The following EFCAB11 variants were observed in gnomAD, a reference collection of about 807,000 sequenced individuals.
EFCAB11 encodes EF-hand calcium-binding domain-containing protein 11.
In EFCAB11, 14 loss-of-function variants were observed where a neutral mutation model predicts 23.0. The ratio of observed to expected loss-of-function variants is 0.61; its 90% CI spans 0.40 to 0.95. The LOEUF is 0.95. Ranked by LOEUF, EFCAB11 falls within the 40% of genes least tolerant of loss-of-function variation. EFCAB11 has a pLI of 0.00. For missense variants in EFCAB11, 198 were observed against 195.8 expected, an observed-to-expected ratio of 1.01 and a Z score of -0.07; for synonymous variants, 65 against 66.6, an observed-to-expected ratio of 0.98 and a Z score of 0.11.
chr14:89,874,396 G>A (rs148830406), intron 5 of EFCAB11, among the ~76,000 whole-genome samples: 112 of 152,260 alleles, frequency 7.4e-4, no homozygotes, highest in Middle Eastern at 3.4e-3. Context: ...CATTTTTCCC[G>A]TTGTCTTGGT....
intron 5 of EFCAB11, among the ~76,000 whole-genome samples, chr14:89,876,517 T>G (rs1888443520): frequency 6.6e-6 from 1 of 152,244 alleles, no homozygotes; most frequent in Admixed American, 6.5e-5. Context: ...AAACAACATG[T>G]GCATGGGTTC....
intron 5 of EFCAB11, among the ~76,000 whole-genome samples, chr14:89,907,535 G>C (rs1455546387): frequency 6.6e-6 from 1 of 152,076 alleles, no homozygotes; most frequent in Non-Finnish European, 1.5e-5. Flanking sequence ...CTATGAAAAG[G>C]GTTATGGTCA....
chr14:89,874,168 T>C (rs1389965411), intron 5 of EFCAB11, among the ~76,000 whole-genome samples: 1 of 152,218 alleles, frequency 6.6e-6, no homozygotes, highest in Non-Finnish European at 1.5e-5. Context: ...CAACACCACA[T>C]GTAAGCCTCC....
At chr14:89,929,494 C>A (rs1890315431) in intron 5 of EFCAB11, among the ~76,000 whole-genome samples, 1 of 152,208 alleles carries the variant, frequency 6.6e-6, no homozygotes, top group Non-Finnish European at 1.5e-5. Context: ...TCAAGTGATT[C>A]TCCTGCTTCA....
intron 5 of EFCAB11, among the ~76,000 whole-genome samples, chr14:89,858,337 G>A (rs987374856): frequency 4.6e-5 from 7 of 152,276 alleles, no homozygotes; most frequent in South Asian, 2.1e-4. Flanking sequence ...GAACTAGGAC[G>A]ACCCAGCAAA....
chr14:89,882,540 C>A (rs1003827492), intron 5 of EFCAB11, among the ~76,000 whole-genome samples: 1 of 152,020 alleles, frequency 6.6e-6, no homozygotes, highest in African/African-American at 2.4e-5. Context: ...CACTCTCTCT[C>A]TTTTTTTTCT....
chr14:89,874,752 C>G (rs893710309), intron 5 of EFCAB11, among the ~76,000 whole-genome samples: 1 of 152,092 alleles, frequency 6.6e-6, no homozygotes, highest in African/African-American at 2.4e-5. Flanking sequence ...ATTAGCCGGG[C>G]GCCGTGGCAG....
chr14:89,949,863 CAA>C (rs939510374), intron 3 of EFCAB11, among the ~76,000 whole-genome samples: 4 of 152,092 alleles, frequency 2.6e-5, no homozygotes, highest in African/African-American at 9.7e-5. Context: ...TGGCAGCAGG[CAA>C]AGAGAGAGCT....
intron 5 of EFCAB11, among the ~76,000 whole-genome samples, chr14:89,923,067 C>T (rs569586832): frequency 1.3e-5 from 2 of 152,240 alleles, no homozygotes; most frequent in East Asian, 3.9e-4. Flanking sequence ...CATAAGTTAG[C>T]TTAAATGAAG....
intron 4 of EFCAB11, 35 bp downstream of exon 4, chr14:89,932,490 AT>A (rs3833988): frequency 5.1e-5 from 79 of 1,547,568 alleles, no homozygotes; most frequent in South Asian, 6.9e-5. Context: ...CTTAAAAGTA[AT>A]TTTTTTTACA....
chr14:89,841,823 G>T (rs1328104611), intron 5 of EFCAB11, among the ~76,000 whole-genome samples: 1 of 152,080 alleles, frequency 6.6e-6, no homozygotes, highest in South Asian at 2.1e-4. Flanking sequence ...CCCTCTGAGG[G>T]TTCTCACTCA....
At position 89,795,918 on chromosome 14, in the gene EFCAB11, G is replaced by A. The variant is rs1260918491; in HGVS notation, c.*1325C>T. On this transcript the variant is annotated 3_prime_UTR_variant, in exon 6 of 6. Transcript: ENST00000316738. ...TAAATGCTGAGTGTCCAGCATTGCT[G>A]TTCTTGCTCCAGTATAGCAGTTACT... 3 of 152,222 alleles carry A rather than the reference G, an allele frequency of 2.0e-5. No individual in the cohort carries two copies. The highest frequency in any genetic ancestry group is 1.5e-5 in the Non-Finnish European group (1 of 68,052). The allele number at this position is 152,222 out of a possible 1,614,324, so 9.4% of individuals were successfully genotyped here. A position where few individuals can be genotyped will look rare whatever the true frequency, so the allele number is the denominator to read the frequency against.
At chr14:89,842,126 G>C (rs1394188621) in intron 5 of EFCAB11, among the ~76,000 whole-genome samples, 4 of 152,070 alleles carry the variant, frequency 2.6e-5, no homozygotes, top group Non-Finnish European at 1.5e-5. Flanking sequence ...CATTTACCTA[G>C]TTCTGTAAAC....
intron 5 of EFCAB11, among the ~76,000 whole-genome samples, chr14:89,907,552 A>G (rs567748081): frequency 1.3e-5 from 2 of 152,314 alleles, no homozygotes; most frequent in East Asian, 1.9e-4. Flanking sequence ...GTCATAGATT[A>G]TATAGCTCTA....
At chr14:89,893,184 G>C (rs549994976) in intron 5 of EFCAB11, among the ~76,000 whole-genome samples, 83 of 152,350 alleles carry the variant, frequency 5.4e-4, no homozygotes, top group Non-Finnish European at 1.0e-4. Flanking sequence ...GCCAGCGTCA[G>C]GAAGCTGCTG....
At chr14:89,894,346 C>G (rs915600459) in intron 5 of EFCAB11, among the ~76,000 whole-genome samples, 1 of 151,874 alleles carries the variant, frequency 6.6e-6, no homozygotes, top group African/African-American at 2.4e-5. Flanking sequence ...TTTGCTGCAC[C>G]TATCAACCTG....
At chr14:89,907,439 T>C (rs1889534118) in intron 5 of EFCAB11, among the ~76,000 whole-genome samples, 1 of 152,230 alleles carries the variant, frequency 6.6e-6, no homozygotes, top group Non-Finnish European at 1.5e-5. Context: ...CAAAAGATTG[T>C]ATGACCAAAT....
chr14:89,856,487 A>C (rs927944813), intron 5 of EFCAB11, among the ~76,000 whole-genome samples: 1 of 152,080 alleles, frequency 6.6e-6, no homozygotes, highest in African/African-American at 2.4e-5. Flanking sequence ...ACCATGCCGT[A>C]TTTTGAATTT....
At chr14:89,949,887 G>GC (rs892706166) in intron 3 of EFCAB11, among the ~76,000 whole-genome samples, 8 of 151,956 alleles carry the variant, frequency 5.3e-5, no homozygotes, top group Non-Finnish European at 8.8e-5. Context: ...GTGCAGGGAA[G>GC]CCCCCCCTTA....
Sources: allele counts gnomAD v4.1 joint callset (sites outside exome capture counted in the v4.1 genomes callset), GRCh38; gene constraint gnomAD v4.1.1; transcripts MANE v1.5; gene names NCBI Gene and HGNC (gene_info 2026-07-23, HGNC 2026-07-21).